The following RYR2 variants were observed in gnomAD, a reference collection of about 807,000 sequenced individuals.
The protein encoded by RYR2 is ryanodine receptor 2.
In RYR2, 227 loss-of-function variants were observed where a neutral mutation model predicts 601.1. That is an observed-to-expected ratio of 0.38 (90% confidence interval 0.34 to 0.42). The LOEUF is 0.42. Among genes scored for constraint, RYR2 ranks in the 10% least tolerant of loss-of-function variants. The pLI is 1.00. For synonymous variants in RYR2, 2,223 were observed against 2,175.1 expected, an observed-to-expected ratio of 1.02 and a Z score of -0.61; for missense variants, 4,646 against 6,156.5, an observed-to-expected ratio of 0.75 and a Z score of 8.21.
At chr1:237,094,408 C>T (rs539773349) in intron 1 of RYR2, among the ~76,000 whole-genome samples, 61 of 152,192 alleles carry the variant, frequency 4.0e-4, no homozygotes, top group African/African-American at 1.3e-3. Flanking sequence ...AAGCAAAAAC[C>T]ATAGTATCGT....
chr1:237,285,341 C>T (rs1691439869), intron 2 of RYR2, among the ~76,000 whole-genome samples: 1 of 152,086 alleles, frequency 6.6e-6, no homozygotes, highest in African/African-American at 2.4e-5. Flanking sequence ...TATTGACTTG[C>T]ATATATTAAA....
chr1:237,171,097 G>A (rs990629841), intron 1 of RYR2, among the ~76,000 whole-genome samples: 2 of 152,024 alleles, frequency 1.3e-5, no homozygotes, highest in African/African-American at 4.8e-5. Flanking sequence ...AGTTGGGTGT[G>A]GTGGTGGGCA....
intron 62 of RYR2, among the ~76,000 whole-genome samples, chr1:237,686,758 A>G (rs530913725): frequency 1.6e-3 from 238 of 152,262 alleles, no homozygotes; most frequent in African/African-American, 5.5e-3. Flanking sequence ...TGAAGGACTC[A>G]AAGACACAGG....
intron 62 of RYR2, among the ~76,000 whole-genome samples, chr1:237,681,265 G>C (rs1222617493): frequency 6.6e-6 from 1 of 152,198 alleles, no homozygotes; most frequent in Non-Finnish European, 1.5e-5. Flanking sequence ...TTCTATAAAA[G>C]TGAATACACA....
In RYR2 at chr1:237,323,248, G is replaced by A. The variant is rs114850521; in HGVS notation, c.169-7630G>A. Among the ~76,000 whole-genome samples, 818 of 152,166 alleles carry A rather than the reference G, an allele frequency of 5.4e-3. 12 individuals are homozygous for A. Among genetic ancestry groups the A allele is most frequent in the African/African-American group, 0.019 (779 of 41,526 alleles). On this transcript the variant is annotated intron_variant, in intron 2 of 104. Transcript: ENST00000366574. ...TTGAATTAGCAATGTTGAGAGGCAG[G>A]AACCTACATCAGAGGAACCATTAGT...
intron 1 of RYR2, among the ~76,000 whole-genome samples, chr1:237,107,475 G>C (rs2485576): frequency 1.1e-4 from 15 of 140,458 alleles, no homozygotes; most frequent in African/African-American, 2.1e-4. Context: ...AGCCGAGATC[G>C]CACCACTGCA....
In RYR2 at chr1:237,586,729, C is replaced by CT. The variant is rs1195336566; in HGVS notation, c.3599-3056dup. Among the ~76,000 whole-genome samples, 6 of 149,052 alleles carry CT rather than the reference C, an allele frequency of 4.0e-5. 1 individual carries two copies. In the South Asian group the frequency reaches 6.4e-4, roughly 16 times the overall value. ...CAGTATAACAACTTCTTTTTTTTTT[C>CT]TTTTTTTTGAGACGGAGTCTTGCTC... On this transcript the variant is annotated intron_variant, in intron 29 of 104. Coordinates refer to ENST00000366574, the MANE Select transcript of RYR2 (RefSeq NM_001035.3).
chr1:237,388,311 C>T (rs998768792), intron 10 of RYR2, 128 bp downstream of exon 10: 2 of 737,094 alleles, frequency 2.7e-6, no homozygotes, highest in African/African-American at 1.8e-5. Context: ...TTCATTGATT[C>T]ACTGAAGTGA....
intron 98 of RYR2, among the ~76,000 whole-genome samples, chr1:237,803,640 T>C (rs1199067037): frequency 6.6e-6 from 1 of 152,162 alleles, no homozygotes; most frequent in Non-Finnish European, 1.5e-5. Context: ...TCCATCTGAA[T>C]GTCCCATGGC....
intron 17 of RYR2, among the ~76,000 whole-genome samples, chr1:237,481,968 C>G (rs1428742282): frequency 4.6e-5 from 7 of 152,126 alleles, no homozygotes; most frequent in African/African-American, 1.7e-4. Flanking sequence ...AGAAGACACT[C>G]CTGTTAACCA....
intron 56 of RYR2, among the ~76,000 whole-genome samples, chr1:237,665,397 CAAAA>C (rs71162408): frequency 2.1e-5 from 2 of 95,602 alleles, no homozygotes; most frequent in Non-Finnish European, 4.1e-5. Flanking sequence ...GACTCTGTCT[CAAAA>C]AAAAAAAAAA....
At chr1:237,103,383 A>G (rs530127966) in intron 1 of RYR2, among the ~76,000 whole-genome samples, 339 of 152,332 alleles carry the variant, frequency 2.2e-3, no homozygotes, top group African/African-American at 7.8e-3. Flanking sequence ...ACCTTAGCAC[A>G]ACCAATCCTC....
rs186914215 is a variant in RYR2 at position 237,571,632 on chromosome 1, A to G, written c.3598+2313A>G. On this transcript the variant is annotated intron_variant, in intron 29 of 104. Transcript: ENST00000366574. Reference sequence around the variant, plus strand: ...ACCAGGCCTATTTCTAATAGTCTATATAAATTTGTCACTGATCTTCAAAAT... The same window carrying G: ...ACCAGGCCTATTTCTAATAGTCTATGTAAATTTGTCACTGATCTTCAAAAT... Among the ~76,000 whole-genome samples, 471 of 152,298 alleles carry G rather than the reference A, an allele frequency of 3.1e-3. 4 individuals carry two copies. Among genetic ancestry groups the G allele is most frequent in the Non-Finnish European group, 4.6e-3 (311 of 68,022 alleles).
At chr1:237,708,541 C>T (rs550929669) in intron 68 of RYR2, among the ~76,000 whole-genome samples, 1 of 152,108 alleles carries the variant, frequency 6.6e-6, no homozygotes, top group Non-Finnish European at 1.5e-5. Context: ...GTTAGGGGAA[C>T]CTTTTCCATT....
At chr1:237,724,848 A>G (rs563116781) in intron 74 of RYR2, among the ~76,000 whole-genome samples, 86 of 152,260 alleles carry the variant, frequency 5.6e-4, no homozygotes, top group African/African-American at 1.9e-3. Context: ...TAAATTCTAG[A>G]TACATTAAAT....
chr1:237,383,642 G>A (rs1292295106), intron 8 of RYR2, among the ~76,000 whole-genome samples: 3 of 151,814 alleles, frequency 2.0e-5, no homozygotes, highest in Non-Finnish European at 2.9e-5. Context: ...TGTTGGCCAG[G>A]ATGGTCTCGA....
intron 1 of RYR2, among the ~76,000 whole-genome samples, chr1:237,109,445 A>G (rs1669176121): frequency 6.6e-6 from 1 of 152,102 alleles, no homozygotes; most frequent in Non-Finnish European, 1.5e-5. Context: ...TGTGTGTGAC[A>G]TTAGCTGTCT....
chr1:237,695,571 A>G (rs1687349968), intron 63 of RYR2, among the ~76,000 whole-genome samples: 1 of 152,184 alleles, frequency 6.6e-6, no homozygotes, highest in African/African-American at 2.4e-5. Flanking sequence ...TCATCTTACA[A>G]AACTCTGCTG....
In RYR2 at chr1:237,251,928, G is replaced by A. The variant is rs188960921; in HGVS notation, c.49-18569G>A. Among the ~76,000 whole-genome samples the A allele has an allele frequency of 3.3e-3, 498 of 151,752 alleles. 3 individuals carry two copies. Among genetic ancestry groups the A allele is most frequent in the Middle Eastern group, 0.024 (7 of 292 alleles). ...CCTTCTAATTATTCTTTTTCCTATC[G>A]TTATCCCACATCAGCAAATCCTGTC... On this transcript the variant is annotated intron_variant, in intron 1 of 104. Coordinates refer to ENST00000366574, the MANE Select transcript of RYR2 (RefSeq NM_001035.3).
Sources: allele counts gnomAD v4.1 joint callset (sites outside exome capture counted in the v4.1 genomes callset), GRCh38; gene constraint gnomAD v4.1.1; transcripts MANE v1.5; gene names NCBI Gene and HGNC (gene_info 2026-07-23, HGNC 2026-07-21).